CD1B: variants seen among roughly 807,000 people sequenced by gnomAD.
CD1B encodes T-cell surface glycoprotein CD1b.
CD1B carries 43 observed loss-of-function variants against 39.8 expected under a neutral mutation model. The observed-to-expected ratio is 1.08, with a 90% CI of 0.85 to 1.39. CD1B has a LOEUF of 1.39. CD1B is among the 40% of genes most tolerant of loss of function. The pLI is 0.00. For missense variants in CD1B, 495 were observed against 403.8 expected (o/e 1.23, Z -1.94); for synonymous variants, 192 against 152.5 (o/e 1.26, Z -1.91).
At chr1:158,299,444 G>A in the CD1B span, among the ~76,000 whole-genome samples, 1 of 152,056 alleles carries the variant, frequency 6.6e-6, no homozygotes, top group Non-Finnish European at 1.5e-5. Context: ...TTTTGCATCA[G>A]TGTTCATCGG....
chr1:158,305,369 G>C, the CD1B span, among the ~76,000 whole-genome samples: 1 of 152,126 alleles, frequency 6.6e-6, no homozygotes, highest in East Asian at 1.9e-4. Context: ...AACGAAGTGA[G>C]AAGTTTAGAC....
At chr1:158,320,029 C>G in the CD1B span, among the ~76,000 whole-genome samples, 1 of 152,222 alleles carries the variant, frequency 6.6e-6, no homozygotes, top group Non-Finnish European at 1.5e-5. Context: ...TCTCAGATCT[C>G]CAGCTGCGTA....
At position 158,330,796 on chromosome 1, in the gene CD1B, A is replaced by AT; in HGVS notation, c.327dup (p.Tyr110IlefsTer4). On this transcript the variant is annotated frameshift_variant and splice_region_variant, in exon 2 of 6. Transcript: ENST00000368168. LOFTEE classifies it high-confidence loss of function. The stretch of plus-strand genomic sequence containing the variant: ...TCCCAGTTCGGTGGACTAGACTCAC[A>AT]TTTCATCTGGAAATCACCGGCAAAG... 6.2e-6 allele frequency: 10 copies of AT among 1,614,136 alleles called. No homozygotes were observed. Among genetic ancestry groups the AT allele is most frequent in the Non-Finnish European group, 7.6e-6 (9 of 1,180,002 alleles).
the CD1B span, among the ~76,000 whole-genome samples, chr1:158,303,195 A>G: frequency 7.2e-4 from 109 of 152,332 alleles, no homozygotes; most frequent in African/African-American, 2.5e-3. Flanking sequence ...GATTATCTCA[A>G]CAGATGCAGA....
chr1:158,325,576 ATTATTAGT>A (rs1171154549), downstream of CD1B, among the ~76,000 whole-genome samples: 1 of 152,142 alleles, frequency 6.6e-6, no homozygotes, highest in Non-Finnish European at 1.5e-5. Flanking sequence ...AAATATTTTA[ATTATTAGT>A]TTATTAGTTT....
the CD1B span, among the ~76,000 whole-genome samples, chr1:158,306,979 G>A: frequency 5.7e-4 from 87 of 152,162 alleles, no homozygotes; most frequent in Non-Finnish European, 8.5e-4. Context: ...GAGAAAGCAG[G>A]AAAGATCTAA....
the CD1B span, among the ~76,000 whole-genome samples, chr1:158,308,999 A>G: frequency 5.3e-5 from 8 of 152,220 alleles, no homozygotes; most frequent in African/African-American, 1.9e-4. Context: ...ATTAAACTAA[A>G]GAGCTTCTGC....
rs73027864 is a variant in CD1B, at chr1:158,328,587, G to C, written c.981-330C>G. On this transcript the variant is annotated intron_variant, in intron 5 of 5. Transcript: ENST00000368168. ...GTAGAGCTGTCCTAACCAGGGCCTG[G>C]AGAAGAGGGGAAATGGGAACTTGCA... Among the ~76,000 whole-genome samples, 1,408 of 152,276 alleles carry C rather than the reference G, an allele frequency of 9.2e-3. 21 individuals are homozygous for C. Among genetic ancestry groups the C allele is most frequent in the African/African-American group, 0.032 (1,350 of 41,548 alleles).
At chr1:158,319,767 T>C in the CD1B span, among the ~76,000 whole-genome samples, 7 of 152,366 alleles carry the variant, frequency 4.6e-5, no homozygotes, top group South Asian at 8.3e-4. Flanking sequence ...AGTTTTTCTG[T>C]TCTGTTTTTT....
At position 158,330,912 on chromosome 1, in the gene CD1B, C is replaced by T; in HGVS notation, c.212G>A (p.Trp71Ter). 6.2e-7 allele frequency: 1 copy of T among 1,613,988 alleles called. No homozygotes were observed. The highest frequency in any genetic ancestry group is 1.1e-5 in the South Asian group (1 of 91,078). ...CTTATCACTAAAGTTACCTTTAGAC[C>T]AAGGCTTCAGGAATATGGCAGTGCC... ...DSGTAIFLKP[W>*]SKGNFSDKEV... The change falls in exon 2 of 6, where the codon TGG becomes TAG. Residue 71 changes from tryptophan to a stop codon, truncating the protein, a stop_gained. Transcript: ENST00000368168. LOFTEE classifies it high-confidence loss of function.
the CD1B span, among the ~76,000 whole-genome samples, chr1:158,307,886 T>A: frequency 8.1e-4 from 124 of 152,290 alleles, no homozygotes; most frequent in African/African-American, 2.9e-3. Flanking sequence ...TCATACTGAA[T>A]GGGCAAAACC....
At chr1:158,312,907 G>C in the CD1B span, among the ~76,000 whole-genome samples, 1 of 152,110 alleles carries the variant, frequency 6.6e-6, no homozygotes. Flanking sequence ...AGTGAAAGTG[G>C]ACATCTTTGC....
At chr1:158,307,848 G>A in the CD1B span, among the ~76,000 whole-genome samples, 1 of 152,084 alleles carries the variant, frequency 6.6e-6, no homozygotes, top group East Asian at 1.9e-4. Context: ...AATAATAAGA[G>A]CTATTTATGA....
the CD1B span, among the ~76,000 whole-genome samples, chr1:158,294,838 A>T: frequency 2.0e-5 from 3 of 152,232 alleles, no homozygotes; most frequent in Non-Finnish European, 4.4e-5. Context: ...TCAGTGTATT[A>T]GTAACCATTC....
chr1:158,308,089 T>A, the CD1B span, among the ~76,000 whole-genome samples: 1 of 152,298 alleles, frequency 6.6e-6, no homozygotes, highest in East Asian at 1.9e-4. Context: ...GAAAACCCCA[T>A]CGTCTCAGCC....
chr1:158,292,086 C>A, the CD1B span: 1 of 1,611,200 alleles, frequency 6.2e-7, no homozygotes, highest in Non-Finnish European at 8.5e-7. Context: ...TCCTCCAGAT[C>A]CCTTTGAAGT....
the CD1B span, among the ~76,000 whole-genome samples, chr1:158,320,560 G>T: frequency 7.2e-5 from 11 of 152,156 alleles, no homozygotes; most frequent in Admixed American, 6.5e-4. Context: ...CCACTGTCTG[G>T]CACTCCCTAG....
the CD1B span, chr1:158,292,118 G>A: frequency 6.2e-7 from 1 of 1,614,112 alleles, no homozygotes. Context: ...CGGGCTGTGA[G>A]CTGCATTCTG....
chr1:158,309,576 C>G, the CD1B span, among the ~76,000 whole-genome samples: 2 of 152,160 alleles, frequency 1.3e-5, no homozygotes, highest in South Asian at 4.2e-4. Context: ...GACTTGGAAC[C>G]AACCCAAATG....
Sources: gnomAD v4.1 joint callset for allele counts (sites outside exome capture counted in the v4.1 genomes callset) on GRCh38, gnomAD v4.1.1 for gene constraint, MANE v1.5 for transcripts, NCBI Gene and HGNC (gene_info 2026-07-23, HGNC 2026-07-21) for gene names.